ATP1A2: variants seen among roughly 807,000 people sequenced by gnomAD.
ATP1A2 encodes sodium/potassium-transporting ATPase subunit alpha-2.
A neutral mutation model predicts 113.1 loss-of-function variants in ATP1A2; 56 were observed. The ratio of observed to expected loss-of-function variants is 0.49; its 90% CI spans 0.40 to 0.62. The LOEUF is 0.62. Among genes scored for constraint, ATP1A2 ranks in the 20% least tolerant of loss-of-function variants. The pLI, the probability that ATP1A2 is intolerant of heterozygous loss-of-function variation, is 0.00. For missense variants in ATP1A2, 712 were observed against 1,357.8 expected (o/e 0.52, Z 7.47); for synonymous variants, 490 against 526.8 (o/e 0.93, Z 0.96).
chr1:160,131,451 G>A (rs1651767545), intron 13 of ATP1A2, among the ~76,000 whole-genome samples: 2 of 152,176 alleles, frequency 1.3e-5, no homozygotes, highest in Admixed American at 1.3e-4. Context: ...CATACCAGGA[G>A]ACTTGTTTCT....
Position 160,121,013 on chromosome 1 carries a change from G to A in ATP1A2, c.117+3G>A, listed in dbSNP as rs1333920511. On this transcript the variant is annotated splice_donor_region_variant and intron_variant, in intron 2 of 22. Transcript: ENST00000361216. Reference sequence around the variant, plus strand: ...AGCTGAAGAAGGAGGTGGCAATGGTGAGGGAACTGCTGGGCCATGGAGGAG... The same window carrying A: ...AGCTGAAGAAGGAGGTGGCAATGGTAAGGGAACTGCTGGGCCATGGAGGAG... 31 of 1,613,982 alleles carry A rather than the reference G, an allele frequency of 1.9e-5. No homozygotes were observed. The highest frequency in any genetic ancestry group is 2.6e-5 in the Non-Finnish European group (31 of 1,179,984).
At chr1:160,131,390 A>G (rs1170949740) in intron 13 of ATP1A2, among the ~76,000 whole-genome samples, 1 of 152,250 alleles carries the variant, frequency 6.6e-6, no homozygotes, top group Non-Finnish European at 1.5e-5. Flanking sequence ...CAGCTAGTGT[A>G]AGTCATAGAG....
rs1020525566 is a variant in ATP1A2 at position 160,143,141 on chromosome 1, G to C, written c.*1819G>C. 6.6e-6 allele frequency: 1 copy of C among 152,192 alleles called. No homozygotes were observed. The highest frequency in any genetic ancestry group is 1.5e-5 in the Non-Finnish European group (1 of 68,050). 9.4% of individuals were successfully genotyped at this position (152,192 alleles called of 1,614,324 possible). On this transcript the variant is annotated 3_prime_UTR_variant, in exon 23 of 23. Coordinates refer to ENST00000361216, the MANE Select transcript of ATP1A2 (RefSeq NM_000702.4). Reference sequence around the variant, plus strand: ...AGCACAAAAGACAAGCATTGGGTCAGACCCATAAACCACCTCCCAAAGGCT... The same window carrying C: ...AGCACAAAAGACAAGCATTGGGTCACACCCATAAACCACCTCCCAAAGGCT...
chr1:160,137,043 C>T lies in ATP1A2; in HGVS notation c.2840+12C>T. The T allele has an allele frequency of 6.2e-7, 1 of 1,614,022 alleles. No individual in the cohort carries two copies. The highest frequency in any genetic ancestry group is 8.5e-7 in the Non-Finnish European group (1 of 1,180,014). ...CAGCAGGGCATGAAGTGAGTGCCCA[C>T]CCCCATGGCACCTACCCACCCAGGC... On this transcript the variant is annotated intron_variant, in intron 20 of 22. Transcript: ENST00000361216.
In ATP1A2 at chr1:160,122,783, C is replaced by G. The variant is rs572565011; in HGVS notation, c.178-430C>G. On this transcript the variant is annotated intron_variant, in intron 3 of 22. Coordinates refer to ENST00000361216, the MANE Select transcript of ATP1A2 (RefSeq NM_000702.4). ...GATGCAGTGAGCTATAATTGCACCA[C>G]TGCGCTCCAGCCTGGGCAACATAGC... 2.4e-3 allele frequency among the ~76,000 whole-genome samples: 362 copies of G among 152,146 alleles called. 3 individuals carry two copies. The highest frequency in any genetic ancestry group is 8.2e-3 in the African/African-American group (342 of 41,468).
intron 20 of ATP1A2, chr1:160,137,278 TC>T (rs1651984369): frequency 1.8e-6 from 1 of 560,934 alleles, no homozygotes. Flanking sequence ...CTCCCTTCTT[TC>T]CCCCATCTCC....
chr1:160,133,965 A>G (rs918173996), intron 13 of ATP1A2, among the ~76,000 whole-genome samples: 1 of 151,888 alleles, frequency 6.6e-6, no homozygotes, highest in Non-Finnish European at 1.5e-5. Context: ...TCAACTTGCC[A>G]TTATCTTTCC....
At chr1:160,128,917 G>A in intron 9 of ATP1A2, 63 bp from the exon 10 acceptor site, 1 of 1,603,102 alleles carries the variant, frequency 6.2e-7, no homozygotes, top group South Asian at 1.1e-5. Flanking sequence ...GTGGTGGGGT[G>A]AGTGGTTGAG....
intron 1 of ATP1A2, among the ~76,000 whole-genome samples, chr1:160,117,374 C>T (rs982000515): frequency 3.3e-5 from 5 of 152,116 alleles, no homozygotes; most frequent in African/African-American, 1.2e-4. Context: ...CTACCCTGCT[C>T]CATCTTAGAG....
In ATP1A2 at chr1:160,143,445, T is replaced by C. The variant is rs1448509713; in HGVS notation, c.*2123T>C. The stretch of plus-strand genomic sequence containing the variant: ...GAAATATCCTTTTAGAAGCAGCGAG[T>C]GCATGGGCTAATTATCATCAATCTT... On this transcript the variant is annotated 3_prime_UTR_variant, in exon 23 of 23. Transcript: ENST00000361216. 1 of 152,596 alleles carries C rather than the reference T, an allele frequency of 6.6e-6. No homozygotes were observed. Among genetic ancestry groups the C allele is most frequent in the Non-Finnish European group, 1.5e-5 (1 of 68,028 alleles). The allele number at this position is 152,596 out of a possible 1,614,324, so 9.5% of individuals were successfully genotyped here.
At chr1:160,118,855 C>T (rs1651273720) in intron 1 of ATP1A2, among the ~76,000 whole-genome samples, 1 of 151,986 alleles carries the variant, frequency 6.6e-6, no homozygotes, top group Admixed American at 6.6e-5. Context: ...AAGGCAGCTG[C>T]CATACTTCTG....
intron 7 of ATP1A2, among the ~76,000 whole-genome samples, chr1:160,126,742 A>T (rs1051516153): frequency 2.0e-5 from 3 of 152,160 alleles, no homozygotes; most frequent in Admixed American, 2.0e-4. Flanking sequence ...AAGTGCTGGG[A>T]TTACAGGCAT....
intron 18 of ATP1A2, 22 bp from the exon 19 acceptor site, chr1:160,136,548 G>A (rs765552795): frequency 1.4e-5 from 22 of 1,614,176 alleles, no homozygotes; most frequent in Middle Eastern, 1.6e-4. Flanking sequence ...CCCTGCCCCT[G>A]CCTTTGGCCC....
chr1:160,124,160 A>G, intron 5 of ATP1A2, 104 bp downstream of exon 5: 1 of 1,561,628 alleles, frequency 6.4e-7, no homozygotes, highest in Admixed American at 1.9e-5. Flanking sequence ...TGGACAGAAA[A>G]GATCCTCCAG....
At chr1:160,115,943 G>A in intron 1 of ATP1A2, 70 bp downstream of exon 1, 1 of 1,569,654 alleles carries the variant, frequency 6.4e-7, no homozygotes, top group Non-Finnish European at 8.7e-7. Context: ...GGATGAAGTG[G>A]GAATGGGATG....
At chr1:160,140,482 G>T (rs957181950) in intron 22 of ATP1A2, among the ~76,000 whole-genome samples, 1 of 152,114 alleles carries the variant, frequency 6.6e-6, no homozygotes, top group Non-Finnish European at 1.5e-5. Flanking sequence ...TACTGTCCAG[G>T]AATACTGTTT....
chr1:160,133,395 A>G (rs1016086260), intron 13 of ATP1A2, among the ~76,000 whole-genome samples: 17 of 152,130 alleles, frequency 1.1e-4, no homozygotes, highest in Admixed American at 3.3e-4. Context: ...TTCAGTATCC[A>G]TAGGACTTGC....
chr1:160,128,857 G>T lies in ATP1A2; in HGVS notation c.1216+7G>T, dbSNP rs962782746. On this transcript the variant is annotated splice_region_variant and intron_variant, in intron 9 of 22. Transcript: ENST00000361216. ...ACCACCGAAGATCAGTCTGGTGATT[G>T]GGTGCTCCAGAGGGGGTGGATAGGA... 2.5e-6 allele frequency: 4 copies of T among 1,614,140 alleles called. No homozygotes were observed. Among genetic ancestry groups the T allele is most frequent in the Non-Finnish European group, 3.4e-6 (4 of 1,180,006 alleles).
At chr1:160,120,144 G>A (rs1651344499) in intron 1 of ATP1A2, among the ~76,000 whole-genome samples, 1 of 152,162 alleles carries the variant, frequency 6.6e-6, no homozygotes. Context: ...GGACAAATGG[G>A]GCTCAGTTCC....
Sources: gnomAD v4.1 joint callset for allele counts (sites outside exome capture counted in the v4.1 genomes callset) on GRCh38, gnomAD v4.1.1 for gene constraint, MANE v1.5 for transcripts, NCBI Gene and HGNC (gene_info 2026-07-23, HGNC 2026-07-21) for gene names.